The following LRMDA variants were observed in gnomAD, a reference collection of about 807,000 sequenced individuals.
LRMDA encodes leucine-rich melanocyte differentiation-associated protein.
A neutral mutation model predicts 29.8 loss-of-function variants in LRMDA; 18 were observed. The observed-to-expected ratio is 0.60, with a 90% CI of 0.42 to 0.90. The LOEUF (loss-of-function observed/expected upper bound fraction) is 0.90. LRMDA is among the 40% of genes least tolerant of loss of function. LRMDA has a pLI of 0.00. For missense variants in LRMDA, 273 were observed against 273.9 expected (o/e 1.00, Z 0.02); for synonymous variants, 125 against 109.4 (o/e 1.14, Z -0.89).
chr10:76,190,115 G>A (rs1851218956), intron 5 of LRMDA, among the ~76,000 whole-genome samples: 2 of 152,210 alleles, frequency 1.3e-5, no homozygotes, highest in African/African-American at 4.8e-5. Context: ...CTGTCTGAAG[G>A]CTCACAATTC....
chr10:76,334,760 G>A (rs1334300155), intron 6 of LRMDA, among the ~76,000 whole-genome samples: 2 of 152,096 alleles, frequency 1.3e-5, no homozygotes, highest in Non-Finnish European at 2.9e-5. Context: ...TATGCTTCAG[G>A]TCACTGCAGG....
intron 5 of LRMDA, among the ~76,000 whole-genome samples, chr10:76,291,359 A>G (rs1394324155): frequency 6.6e-6 from 1 of 152,202 alleles, no homozygotes; most frequent in Non-Finnish European, 1.5e-5. Flanking sequence ...AATAATTTAA[A>G]ATGTCATCTC....
chr10:75,955,128 A>G (rs961965255), intron 2 of LRMDA, among the ~76,000 whole-genome samples: 1 of 152,226 alleles, frequency 6.6e-6, no homozygotes, highest in African/African-American at 2.4e-5. Context: ...ACATTTTAGT[A>G]TATTACACAT....
intron 2 of LRMDA, among the ~76,000 whole-genome samples, chr10:75,843,924 G>A (rs1474402938): frequency 1.3e-5 from 2 of 152,180 alleles, no homozygotes; most frequent in African/African-American, 4.8e-5. Flanking sequence ...GAGAAGGGGA[G>A]GTGGTGCCAG....
intron 6 of LRMDA, among the ~76,000 whole-genome samples, chr10:76,357,905 C>T (rs367603136): frequency 2.6e-5 from 4 of 152,114 alleles, no homozygotes; most frequent in South Asian, 4.2e-4. Context: ...GTGAGGCCTC[C>T]GGAAGAAACT....
intron 6 of LRMDA, among the ~76,000 whole-genome samples, chr10:76,384,908 T>C (rs1841641472): frequency 6.6e-6 from 1 of 152,180 alleles, no homozygotes; most frequent in Admixed American, 6.5e-5. Context: ...TTCTTACTGA[T>C]TGATTGGTGT....
chr10:75,936,102 T>C (rs1222587305), intron 2 of LRMDA, among the ~76,000 whole-genome samples: 1 of 152,176 alleles, frequency 6.6e-6, no homozygotes, highest in Non-Finnish European at 1.5e-5. Context: ...TCTCCTTGTT[T>C]TATATTTATC....
At chr10:75,681,920 T>G (rs966064141) in intron 2 of LRMDA, among the ~76,000 whole-genome samples, 2 of 152,204 alleles carry the variant, frequency 1.3e-5, no homozygotes, top group African/African-American at 4.8e-5. Flanking sequence ...GGATTAAACT[T>G]GTGATCTGAC....
intron 5 of LRMDA, among the ~76,000 whole-genome samples, chr10:76,086,448 G>C (rs988839429): frequency 3.9e-5 from 6 of 152,158 alleles, no homozygotes; most frequent in African/African-American, 1.4e-4. Flanking sequence ...CCTCCACTGA[G>C]AATGTTCTTC....
chr10:75,850,887 T>TA (rs1239434779), intron 2 of LRMDA, among the ~76,000 whole-genome samples: 1 of 152,114 alleles, frequency 6.6e-6, no homozygotes, highest in African/African-American at 2.4e-5. Context: ...GCTACCAGAG[T>TA]ATGCAGAGGT....
chr10:75,560,881 A>G (rs934573656), intron 2 of LRMDA, among the ~76,000 whole-genome samples: 1 of 152,100 alleles, frequency 6.6e-6, no homozygotes, highest in Non-Finnish European at 1.5e-5. Context: ...CCAGGGATGA[A>G]GCCCACTTGA....
intron 2 of LRMDA, among the ~76,000 whole-genome samples, chr10:75,441,642 C>G (rs1226997085): frequency 6.6e-6 from 1 of 152,186 alleles, no homozygotes; most frequent in Non-Finnish European, 1.5e-5. Flanking sequence ...GGCCCTTTCT[C>G]TCTTTTCCAT....
At chr10:76,272,834 A>G (rs978378755) in intron 5 of LRMDA, among the ~76,000 whole-genome samples, 1 of 152,182 alleles carries the variant, frequency 6.6e-6, no homozygotes, top group African/African-American at 2.4e-5. Context: ...TGGCAGGGAG[A>G]GAGAGCAAAG....
chr10:76,028,933 C>T (rs1305073848), intron 2 of LRMDA, among the ~76,000 whole-genome samples: 1 of 151,740 alleles, frequency 6.6e-6, no homozygotes, highest in Non-Finnish European at 1.5e-5. Context: ...TCTCCTGCCT[C>T]AGCCTCCCGA....
At chr10:75,641,259 G>A (rs1368830241) in intron 2 of LRMDA, among the ~76,000 whole-genome samples, 2 of 152,126 alleles carry the variant, frequency 1.3e-5, no homozygotes, top group Non-Finnish European at 2.9e-5. Flanking sequence ...TGTATTTTTG[G>A]TTAGACGATG....
intron 2 of LRMDA, among the ~76,000 whole-genome samples, chr10:75,496,074 A>C (rs1845042148): frequency 6.6e-6 from 1 of 152,220 alleles, no homozygotes; most frequent in Non-Finnish European, 1.5e-5. Context: ...TGAGCAGATA[A>C]TGTTTGCATT....
intron 2 of LRMDA, among the ~76,000 whole-genome samples, chr10:75,826,473 T>C (rs1844248448): frequency 1.3e-5 from 2 of 152,218 alleles, no homozygotes; most frequent in Non-Finnish European, 2.9e-5. Flanking sequence ...TCTAGGTCAG[T>C]GTCCATGTTA....
At chr10:76,151,409 C>T (rs1384742408) in intron 5 of LRMDA, among the ~76,000 whole-genome samples, 1 of 151,850 alleles carries the variant, frequency 6.6e-6, no homozygotes, top group African/African-American at 2.4e-5. Context: ...GTTTTTTTTT[C>T]CCCTCCAAGG....
At chr10:76,337,713 G>C (rs528607624) in intron 6 of LRMDA, among the ~76,000 whole-genome samples, 1 of 152,064 alleles carries the variant, frequency 6.6e-6, no homozygotes, top group Non-Finnish European at 1.5e-5. Context: ...AGCAGATGGT[G>C]ATTCATGAAT....
Sources: allele counts gnomAD v4.1 joint callset (sites outside exome capture counted in the v4.1 genomes callset), GRCh38; gene constraint gnomAD v4.1.1; transcripts MANE v1.5; gene names NCBI Gene and HGNC (gene_info 2026-07-23, HGNC 2026-07-21).